GAS2: variants seen among roughly 807,000 people sequenced by gnomAD.
GAS2 encodes growth arrest specific 2, also known as growth arrest-specific protein 2.
Under a neutral mutation model 37.5 loss-of-function variants are expected in GAS2, and 20 were observed. The observed-to-expected ratio is 0.53, with a 90% confidence interval of 0.37 to 0.77. The LOEUF is 0.77. Among genes scored for constraint, GAS2 ranks in the 30% least tolerant of loss-of-function variants. The pLI is 0.00. For missense variants in GAS2, 336 were observed against 373.4 expected, an observed-to-expected ratio of 0.90 and a Z score of 0.82; for synonymous variants, 144 against 132.2, an observed-to-expected ratio of 1.09 and a Z score of -0.61.
At chr11:22,770,226 G>C (rs1297106388) in intron 7 of GAS2, among the ~76,000 whole-genome samples, 1 of 152,120 alleles carries the variant, frequency 6.6e-6, no homozygotes, top group East Asian at 1.9e-4. Context: ...GTGACAGCTT[G>C]ATAGGTGCAG....
At chr11:22,644,206 A>G (rs1336777776) in intron 1 of GAS2, among the ~76,000 whole-genome samples, 1 of 152,136 alleles carries the variant, frequency 6.6e-6, no homozygotes, top group Non-Finnish European at 1.5e-5. Flanking sequence ...TTTTTTTAAA[A>G]TTACTTCCAG....
At chr11:22,664,017 A>C (rs1466323298), upstream of GAS2, among the ~76,000 whole-genome samples, 2 of 152,150 alleles carry the variant, frequency 1.3e-5, no homozygotes, top group African/African-American at 4.8e-5. Context: ...GTATTTTTTA[A>C]TACCATTGCA....
intron 3 of GAS2, among the ~76,000 whole-genome samples, chr11:22,710,446 G>A (rs1323724613): frequency 1.3e-5 from 2 of 151,684 alleles, no homozygotes; most frequent in African/African-American, 4.8e-5. Flanking sequence ...ATATTTGTTG[G>A]AAATGAAAAA....
At chr11:22,668,961 T>C (rs1849095445) in intron 1 of GAS2, among the ~76,000 whole-genome samples, 1 of 152,196 alleles carries the variant, frequency 6.6e-6, no homozygotes, top group African/African-American at 2.4e-5. Flanking sequence ...AGAAATGAAC[T>C]GGAGTAACAG....
intron 2 of GAS2, among the ~76,000 whole-genome samples, chr11:22,680,584 A>G (rs1412719202): frequency 6.6e-6 from 1 of 152,112 alleles, no homozygotes; most frequent in East Asian, 1.9e-4. Flanking sequence ...AAAATATACC[A>G]ACTTTCTTCT....
intron 3 of GAS2, among the ~76,000 whole-genome samples, chr11:22,715,068 AAC>A (rs1213565979): frequency 6.6e-6 from 1 of 152,196 alleles, no homozygotes; most frequent in African/African-American, 2.4e-5. Context: ...ATATAAATGA[AAC>A]AAAAAGCTTG....
At chr11:22,738,989 T>C (rs1475981058) in intron 5 of GAS2, among the ~76,000 whole-genome samples, 1 of 152,164 alleles carries the variant, frequency 6.6e-6, no homozygotes, top group Non-Finnish European at 1.5e-5. Context: ...CCCACACTCT[T>C]CCCAGTTAAT....
At chr11:22,801,821 G>A (rs914899689) in intron 7 of GAS2, among the ~76,000 whole-genome samples, 2 of 151,958 alleles carry the variant, frequency 1.3e-5, no homozygotes, top group Non-Finnish European at 2.9e-5. Context: ...AGATTACTTG[G>A]CACATAGTAA....
chr11:22,642,850 C>T (rs1344846730), intron 1 of GAS2, among the ~76,000 whole-genome samples: 12 of 152,076 alleles, frequency 7.9e-5, no homozygotes, highest in African/African-American at 2.9e-4. Context: ...GACCCATTGC[C>T]TGCTCTGTAG....
chr11:22,807,529 G>A (rs1410834908), intron 7 of GAS2, among the ~76,000 whole-genome samples: 4 of 152,160 alleles, frequency 2.6e-5, no homozygotes, highest in East Asian at 3.9e-4. Flanking sequence ...GTCAGCTCAC[G>A]CCTTTGGAGA....
chr11:22,685,551 C>T, intron 2 of GAS2, 117 bp from the exon 3 acceptor site: 1 of 1,029,616 alleles, frequency 9.7e-7, no homozygotes, highest in Non-Finnish European at 1.4e-6. Flanking sequence ...GCTCCTATCC[C>T]AGTTATGTAA....
intron 1 of GAS2, chr11:22,672,722 T>C (rs1335622693): frequency 6.6e-6 from 1 of 152,152 alleles, no homozygotes; most frequent in Non-Finnish European, 1.5e-5. Flanking sequence ...ATCATGTGCT[T>C]ATATGTATTA....
At chr11:22,807,800 G>A (rs1179438005) in intron 7 of GAS2, among the ~76,000 whole-genome samples, 10 of 152,146 alleles carry the variant, frequency 6.6e-5, no homozygotes, top group Non-Finnish European at 1.2e-4. Context: ...CAGGAATTAG[G>A]GATGGGCAAG....
chr11:22,730,545 C>T (rs1852421572), intron 4 of GAS2, among the ~76,000 whole-genome samples: 1 of 151,672 alleles, frequency 6.6e-6, no homozygotes, highest in Non-Finnish European at 1.5e-5. Context: ...ACCATGTTGA[C>T]GTATAAGTGA....
At chr11:22,756,523 G>A (rs1205368424) in intron 7 of GAS2, among the ~76,000 whole-genome samples, 3 of 152,078 alleles carry the variant, frequency 2.0e-5, no homozygotes, top group Non-Finnish European at 4.4e-5. Flanking sequence ...TACCAGCAAT[G>A]TGTAGTCTCA....
At chr11:22,788,590 A>G (rs941177008) in intron 7 of GAS2, among the ~76,000 whole-genome samples, 15 of 152,204 alleles carry the variant, frequency 9.9e-5, no homozygotes, top group African/African-American at 3.6e-4. Flanking sequence ...ATTACAGATC[A>G]AAAGTGATTT....
chr11:22,734,858 CTTTAG>C (rs1005412905), intron 4 of GAS2, among the ~76,000 whole-genome samples: 3 of 151,738 alleles, frequency 2.0e-5, no homozygotes, highest in African/African-American at 7.2e-5. Context: ...CATCTATTAA[CTTTAG>C]TTTAGACCTT....
chr11:22,673,845 T>A (rs1388902086), intron 1 of GAS2, among the ~76,000 whole-genome samples: 1 of 152,194 alleles, frequency 6.6e-6, no homozygotes, highest in Non-Finnish European at 1.5e-5. Flanking sequence ...CTGCTCACAA[T>A]ATGATCAGGT....
At chr11:22,789,070 A>G (rs4347395) in intron 7 of GAS2, among the ~76,000 whole-genome samples, 143,155 of 151,120 alleles carry the variant, frequency 0.95, 68,259 homozygotes, top group East Asian at 1. Flanking sequence ...AAGTAGATCA[A>G]TGTAGTGGGA....
Sources: gnomAD v4.1 joint callset for allele counts (sites outside exome capture counted in the v4.1 genomes callset) on GRCh38, gnomAD v4.1.1 for gene constraint, MANE v1.5 for transcripts, NCBI Gene and HGNC (gene_info 2026-07-23, HGNC 2026-07-21) for gene names.